GPS1: variants seen among roughly 807,000 people sequenced by gnomAD.
GPS1 encodes COP9 signalosome complex subunit 1.
A neutral mutation model predicts 60.0 loss-of-function variants in GPS1; 11 were observed. The observed-to-expected ratio is 0.18, with a 90% CI of 0.12 to 0.30. The LOEUF (loss-of-function observed/expected upper bound fraction) is 0.30. Among genes scored for constraint, GPS1 ranks in the 10% least tolerant of loss-of-function variants. The pLI, the probability that GPS1 is intolerant of heterozygous loss-of-function variation, is 1.00. For synonymous variants in GPS1, 343 were observed against 269.8 expected (o/e 1.27, Z -2.66); for missense variants, 543 against 669.2 (o/e 0.81, Z 2.08).
chr17:82,053,692 C>A (rs1018210346), intron 2 of GPS1, 176 bp from the exon 3 acceptor site: 10 of 655,826 alleles, frequency 1.5e-5, no homozygotes, highest in Non-Finnish European at 2.3e-5. Flanking sequence ...CCCACCCCAG[C>A]GGTCTTCGTA....
rs750349647 is a variant in GPS1, at chr17:82,057,167, C to T, written c.*40C>T. The stretch of plus-strand genomic sequence containing the variant: ...CCTCCAGGACATCTGCACCCCCTCC[C>T]CACCTCCACGGACCTCGGACCTCCA... On this transcript the variant is annotated 3_prime_UTR_variant, in exon 13 of 13. Coordinates refer to ENST00000578552, the MANE Select transcript of GPS1 (RefSeq NM_001321092.3). 1 of 1,572,684 alleles carries T rather than the reference C, an allele frequency of 6.4e-7. No homozygotes were observed. Among genetic ancestry groups the T allele is most frequent in the East Asian group, 2.3e-5 (1 of 44,404 alleles).
At chr17:82,052,485 A>G in intron 1 of GPS1, 2 of 1,600,630 alleles carry the variant, frequency 1.2e-6, no homozygotes, top group Non-Finnish European at 1.7e-6. Flanking sequence ...GGGACCCCCG[A>G]GCGAGGGAGG....
rs373403707 is a variant in GPS1, at chr17:82,052,332, C to T, written c.33+368C>T. 14 of 1,612,800 alleles carry T rather than the reference C, an allele frequency of 8.7e-6. No individual in the cohort carries two copies. Among genetic ancestry groups the T allele is most frequent in the Non-Finnish European group, 1.2e-5 (14 of 1,179,760 alleles). On this transcript the variant is annotated intron_variant, in intron 1 of 12. Transcript: ENST00000578552. ...ATGAGGGATAGCTCGGCCCCCAGCT[C>T]GGCCTCCTCGTCAGTGACAGATCTG...
chr17:82,057,161 C>T lies in GPS1; in HGVS notation c.*34C>T. ...CCTTGGCCTCCAGGACATCTGCACC[C>T]CCTCCCCACCTCCACGGACCTCGGA... On this transcript the variant is annotated 3_prime_UTR_variant, in exon 13 of 13. Coordinates refer to ENST00000578552, the MANE Select transcript of GPS1 (RefSeq NM_001321092.3). 1 of 1,569,522 alleles carries T rather than the reference C, an allele frequency of 6.4e-7. No individual in the cohort carries two copies. Among genetic ancestry groups the T allele is most frequent in the Non-Finnish European group, 8.7e-7 (1 of 1,154,928 alleles).
At chr17:82,055,571 C>G (rs750641608) in intron 6 of GPS1, 169 bp from the exon 7 acceptor site, 1 of 614,862 alleles carries the variant, frequency 1.6e-6, no homozygotes, top group Non-Finnish European at 2.9e-6. Flanking sequence ...TCTTTCCACC[C>G]GTGACTAGAG....
rs1362477976 is a variant in GPS1, at chr17:82,051,982, C to T, written c.33+18C>T. On this transcript the variant is annotated intron_variant, in intron 1 of 12. Coordinates refer to ENST00000578552, the MANE Select transcript of GPS1 (RefSeq NM_001321092.3). This position sits in a 1 kb window ranked among gnomAD's most constrained non-coding sequence, Gnocchi z 4.1. ...ACTTGCAGGTAACGAGCCGAGGCCGCCCCGGGCCTCCGCGCCCCCGCGCCC... is the reference window on the plus strand; with the variant it reads ...ACTTGCAGGTAACGAGCCGAGGCCGTCCCGGGCCTCCGCGCCCCCGCGCCC... 1.7e-6 allele frequency: 2 copies of T among 1,155,812 alleles called. No homozygotes were observed. The highest frequency in any genetic ancestry group is 1.6e-5 in the African/African-American group (1 of 61,184). The allele number at this position is 1,155,812 out of a possible 1,614,324, so 71.6% of individuals were successfully genotyped here.
chr17:82,053,913 G>A lies in GPS1; in HGVS notation c.172G>A (p.Glu58Lys). ...AASYSGLMRIERLQFIADHCP... is the reference protein window; with the variant it reads ...AASYSGLMRIKRLQFIADHCP... ...CAGCTACAGCGGCCTGATGCGCATCGAACGGCTGCAGTTCATTGCTGATCA... is the reference window on the plus strand; with the variant it reads ...CAGCTACAGCGGCCTGATGCGCATCAAACGGCTGCAGTTCATTGCTGATCA... Residue 58 changes from glutamate to lysine, a missense_variant, in exon 3 of 13, where the codon GAA (glutamate) becomes AAA (lysine). Around this residue, in one of 3 missense-constraint regions of GPS1, gnomAD observed 181 missense variants for 188.8 expected, o/e 0.96. Coordinates refer to ENST00000578552, the MANE Select transcript of GPS1 (RefSeq NM_001321092.3). The A allele has an allele frequency of 1.2e-6, 2 of 1,612,682 alleles. No individual in the cohort carries two copies. Among genetic ancestry groups the A allele is most frequent in the Non-Finnish European group, 1.7e-6 (2 of 1,179,918 alleles).
At chr17:82,051,375 G>T (rs762216232), upstream of GPS1, 4 of 1,449,372 alleles carry the variant, frequency 2.8e-6, no homozygotes. The surrounding 1 kb of genome is among the most constrained non-coding windows in gnomAD (Gnocchi z 4.1). Context: ...GGCTTCTGGG[G>T]CGCTGCCCAG....
chr17:82,052,367 C>T lies in GPS1; in HGVS notation c.33+403C>T, dbSNP rs988882764. The T allele has an allele frequency of 3.1e-6, 5 of 1,612,586 alleles. No individual in the cohort carries two copies. The highest frequency in any genetic ancestry group is 2.2e-5 in the South Asian group (2 of 91,000). The stretch of plus-strand genomic sequence containing the variant: ...GTCAGTGACAGATCTGTACTGCACC[C>T]CTCACAGCAGTAGGTCAGACCTCGT... On this transcript the variant is annotated intron_variant, in intron 1 of 12. Coordinates refer to ENST00000578552, the MANE Select transcript of GPS1 (RefSeq NM_001321092.3).
At position 82,057,199 on chromosome 17, in the gene GPS1, T is replaced by G. The variant is rs1275766272; in HGVS notation, c.*72T>G. The G allele has an allele frequency of 1.3e-6, 2 of 1,564,658 alleles. No homozygotes were observed. The highest frequency in any genetic ancestry group is 1.8e-6 in the Non-Finnish European group (2 of 1,142,456). ...CACGGACCTCGGACCTCCAGGCGGC[T>G]CAGTGCTGCCTGCGGCCCAGCTAAG... On this transcript the variant is annotated 3_prime_UTR_variant, in exon 13 of 13. Transcript: ENST00000578552.
chr17:82,052,242 C>T (rs557827043), intron 1 of GPS1: 70 of 1,601,676 alleles, frequency 4.4e-5, no homozygotes, highest in African/African-American at 5.4e-5. Flanking sequence ...CGCTAACGCT[C>T]TTTCTCCCTT....
intron 1 of GPS1, chr17:82,052,350 C>T: frequency 1.2e-6 from 2 of 1,612,854 alleles, no homozygotes; most frequent in Non-Finnish European, 1.7e-6. Flanking sequence ...TCGTCAGTGA[C>T]AGATCTGTAC....
At chr17:82,052,935 G>C (rs2031324925) in intron 1 of GPS1, 1 of 255,712 alleles carries the variant, frequency 3.9e-6, no homozygotes, top group East Asian at 8.2e-5. Flanking sequence ...CAGGATGGTG[G>C]CTGGGAACGT....
chr17:82,054,503 C>A lies in GPS1; in HGVS notation c.309-7C>A. ...GCCGCCATCCTGATGGCCAGGTCCT[C>A]TCTCAGGGAGCTGCAGAACGCACCC... On this transcript the variant is annotated splice_region_variant and splice_polypyrimidine_tract_variant and intron_variant, in intron 3 of 12. Transcript: ENST00000578552. 1 of 1,505,324 alleles carries A rather than the reference C, an allele frequency of 6.6e-7. No individual in the cohort carries two copies. The allele number at this position is 1,505,324 out of a possible 1,614,324, so 93.2% of individuals were successfully genotyped here.
upstream of GPS1, chr17:82,051,579 G>A (rs2030598325): frequency 3.0e-6 from 4 of 1,348,882 alleles, no homozygotes; most frequent in Non-Finnish European, 1.9e-6. This position sits in a 1 kb window ranked among gnomAD's most constrained non-coding sequence, Gnocchi z 4.1. Flanking sequence ...GGTCTTGACG[G>A]CGATGAAGAC....
upstream of GPS1, chr17:82,051,297 C>T (rs2030526272): frequency 2.8e-6 from 4 of 1,415,546 alleles, 1 homozygote; most frequent in South Asian, 5.4e-5. This position sits in a 1 kb window ranked among gnomAD's most constrained non-coding sequence, Gnocchi z 4.1. Context: ...CACTCACCGC[C>T]CTGGAGCTCG....
chr17:82,053,326 A>G lies in GPS1; in HGVS notation c.86A>G (p.Asn29Ser), dbSNP rs2031536091. 1 of 1,544,546 alleles carries G rather than the reference A, an allele frequency of 6.5e-7. No individual in the cohort carries two copies. The highest frequency in any genetic ancestry group is 2.3e-5 in the Admixed American group (1 of 44,406). ...IDVDPQEDPQ[N>S]APDVNYVVEN... Reference sequence around the variant, plus strand: ...GTGGACCCCCAGGAAGACCCGCAGAATGCACCTGACGTCAACTACGTGGTG... The same window carrying G: ...GTGGACCCCCAGGAAGACCCGCAGAGTGCACCTGACGTCAACTACGTGGTG... Residue 29 changes from asparagine (N) to serine (S), a missense_variant, in exon 2 of 13, where the codon AAT becomes AGT. Transcript: ENST00000578552.
At chr17:82,054,181 C>T (rs549366818) in intron 3 of GPS1, 132 bp downstream of exon 3, 4 of 1,051,608 alleles carry the variant, frequency 3.8e-6, no homozygotes, top group Non-Finnish European at 5.4e-6. Flanking sequence ...AGCTCTCGCT[C>T]TCTTTTGGCC....
In GPS1 at chr17:82,056,638, C is replaced by T. The variant is rs1598529264; in HGVS notation, c.1126C>T (p.Pro376Ser). 6.2e-7 allele frequency: 1 copy of T among 1,609,996 alleles called. No homozygotes were observed. The highest frequency in any genetic ancestry group is 1.3e-5 in the African/African-American group (1 of 74,880). ...TCCCTCTGCCCTGCAGTATTTCAGC[C>T]CCTACGTGTCAGCCGACATGCATAG... ...RNRALIQYFS[P>S]YVSADMHRMA... The change falls in exon 11 of 13, where the codon CCC (proline) becomes TCC (serine). Residue 376 changes from proline (P) to serine (S), a missense_variant. Physicochemically the swap from Pro to Ser is moderately conservative, Grantham distance 74. Transcript: ENST00000578552.
Sources: allele counts gnomAD v4.1 joint callset, GRCh38; gene constraint gnomAD v4.1.1; regional missense constraint gnomAD v4.1.1; non-coding constraint Gnocchi (gnomAD v3.1); transcripts MANE v1.5; gene names NCBI Gene and HGNC (gene_info 2026-07-23, HGNC 2026-07-21).